DNAJC4: variants seen among roughly 807,000 people sequenced by gnomAD.
DNAJC4 encodes the protein DnaJ heat shock protein family (Hsp40) member C4, also known as dnaJ homolog subfamily C member 4.
In DNAJC4, 26 loss-of-function variants were observed where a neutral mutation model predicts 26.8. The ratio of observed to expected loss-of-function variants is 0.97; its 90% CI spans 0.71 to 1.34. DNAJC4 has a LOEUF of 1.34. Among genes scored for constraint, DNAJC4 ranks in the 40% most tolerant of loss-of-function variants. The pLI is 0.00. For missense variants in DNAJC4, 342 were observed against 321.1 expected (o/e 1.07, Z -0.50); for synonymous variants, 134 against 127.8 (o/e 1.05, Z -0.33).
intron 4 of DNAJC4, chr11:64,233,549 G>A (rs1947205238): frequency 7.2e-6 from 2 of 277,566 alleles, no homozygotes; most frequent in Non-Finnish European, 1.4e-5. Context: ...CCACAAAGCC[G>A]ATTTTCTATA....
chr11:64,232,885 G>C lies in DNAJC4; in HGVS notation c.527+20G>C, dbSNP rs755742207. On this transcript the variant is annotated intron_variant, in intron 4 of 5. Coordinates refer to ENST00000628077, the MANE Select transcript of DNAJC4 (RefSeq NM_005528.4). Reference sequence around the variant, plus strand: ...CTTCAGGTGATGCCTGTTCTCCCCGGGGTGATGGGCAGAGGGCAGGAGGGT... The same window carrying C: ...CTTCAGGTGATGCCTGTTCTCCCCGCGGTGATGGGCAGAGGGCAGGAGGGT... 108 of 1,554,112 alleles carry C rather than the reference G, an allele frequency of 6.9e-5. No homozygotes were observed. The highest frequency in any genetic ancestry group is 9.0e-5 in the Non-Finnish European group (103 of 1,145,198).
At position 64,234,175 on chromosome 11, in the gene DNAJC4, C is replaced by A; in HGVS notation, c.717C>A (p.Ala239=). ...TQGPEIVPRG[A]GP ...GCCCCGAGATCGTGCCCCGGGGCGC[C>A]GGCCCCTGAGGGGCTCACCTGGATG... is the stretch of plus-strand genomic sequence containing the variant. Residue 239 remains alanine, a synonymous_variant, in exon 6 of 6, where the codon GCC becomes GCA. Coordinates refer to ENST00000628077, the MANE Select transcript of DNAJC4 (RefSeq NM_005528.4). This position sits in a 1 kb window ranked among gnomAD's most constrained non-coding sequence, Gnocchi z 5.3. 6.4e-7 allele frequency: 1 copy of A among 1,564,318 alleles called. No individual in the cohort carries two copies. Among genetic ancestry groups the A allele is most frequent in the Non-Finnish European group, 8.6e-7 (1 of 1,158,128 alleles).
Position 64,234,126 on chromosome 11 carries a change from C to T in DNAJC4, c.668C>T (p.Pro223Leu), listed in dbSNP as rs749623123. Reference protein sequence around the residue: ...QERQRLGQRQPPPSEPTQGPE... With the variant: ...QERQRLGQRQLPPSEPTQGPE... Reference sequence around the variant, plus strand: ...CGACAACGGCTAGGGCAGCGGCAGCCGCCACCATCCGAGCCAACCCAAGGC... The same window carrying T: ...CGACAACGGCTAGGGCAGCGGCAGCTGCCACCATCCGAGCCAACCCAAGGC... The change falls in exon 6 of 6, where the codon CCG becomes CTG. Residue 223 changes from proline (P) to leucine (L), a missense_variant. By Grantham distance (98) the Pro-to-Leu change is moderately conservative (BLOSUM62 -3). Coordinates refer to ENST00000628077, the MANE Select transcript of DNAJC4 (RefSeq NM_005528.4). The surrounding 1 kb of genome is among the most constrained non-coding windows in gnomAD (Gnocchi z 5.3). 2 of 1,598,554 alleles carry T rather than the reference C, an allele frequency of 1.3e-6. No homozygotes were observed. Among genetic ancestry groups the T allele is most frequent in the Non-Finnish European group, 8.5e-7 (1 of 1,174,814 alleles).
chr11:64,233,996 ATT>A lies in DNAJC4; in HGVS notation c.614+17_614+18del, dbSNP rs1947212153. On this transcript the variant is annotated intron_variant, in intron 5 of 5. Coordinates refer to ENST00000628077, the MANE Select transcript of DNAJC4 (RefSeq NM_005528.4). ...CACGGGCCAGGTCTGTCCCTGCTCT[ATT>A]CTGCTCCCTGCTCCCTGTCCAGGAA... 1.9e-6 allele frequency: 3 copies of A among 1,613,868 alleles called. No individual in the cohort carries two copies. Among genetic ancestry groups the A allele is most frequent in the Non-Finnish European group, 2.5e-6 (3 of 1,180,012 alleles).
In DNAJC4 at chr11:64,230,891, T is replaced by C; in HGVS notation, c.37T>C (p.Trp13Arg). The change falls in exon 1 of 6, where the codon TGG becomes CGG. Residue 13 changes from tryptophan (W) to arginine (R), a missense_variant. Physicochemically the swap from Trp to Arg is moderately radical, Grantham distance 101 (BLOSUM62 -3). Coordinates refer to ENST00000628077, the MANE Select transcript of DNAJC4 (RefSeq NM_005528.4). The stretch of plus-strand genomic sequence containing the variant: ...ACTGCCCCTGCGCCTGTGCCGGCTG[T>C]GGCCCCGCAACCCTCCCTCCCGGCT... ...PLLPLRLCRL[W>R]PRNPPSRLLG... The C allele has an allele frequency of 6.3e-7, 1 of 1,594,802 alleles. No individual in the cohort carries two copies. The highest frequency in any genetic ancestry group is 8.5e-7 in the Non-Finnish European group (1 of 1,174,004).
chr11:64,233,187 T>G (rs896347428), intron 4 of DNAJC4: 15 of 270,658 alleles, frequency 5.5e-5, no homozygotes, highest in Non-Finnish European at 8.3e-5. Flanking sequence ...GGCATCTCCC[T>G]GCCACTCTCA....
intron 1 of DNAJC4, chr11:64,231,245 C>A: frequency 2.1e-6 from 1 of 467,878 alleles, no homozygotes; most frequent in Non-Finnish European, 4.0e-6. Context: ...GGGGAGGTGT[C>A]GGGTACAAAA....
Position 64,234,257 on chromosome 11 carries a change from C to G in DNAJC4, c.*73C>G, listed in dbSNP as rs1351616112. 1 of 1,496,294 alleles carries G rather than the reference C, an allele frequency of 6.7e-7. No individual in the cohort carries two copies. The highest frequency in any genetic ancestry group is 2.5e-5 in the East Asian group (1 of 40,632). 92.7% of individuals were successfully genotyped at this position (1,496,294 alleles called of 1,614,324 possible). ...TCCCTGGACGGCCCGCTCCCCGAAA[C>G]GCGCGCAATAAAGTGATTCGCAGAG... On this transcript the variant is annotated 3_prime_UTR_variant, in exon 6 of 6. Coordinates refer to ENST00000628077, the MANE Select transcript of DNAJC4 (RefSeq NM_005528.4). This position sits in a 1 kb window ranked among gnomAD's most constrained non-coding sequence, Gnocchi z 5.3.
Position 64,234,101 on chromosome 11 carries a change from C to G in DNAJC4, c.643C>G (p.Arg215Gly), listed in dbSNP as rs764374639. The change falls in exon 6 of 6, where the codon CGA becomes GGA. Residue 215 changes from arginine (R) to glycine (G), a missense_variant. Arg to Gly is a moderately radical substitution (Grantham distance 125, BLOSUM62 -2). Coordinates refer to ENST00000628077, the MANE Select transcript of DNAJC4 (RefSeq NM_005528.4). This position sits in a 1 kb window ranked among gnomAD's most constrained non-coding sequence, Gnocchi z 5.3. ...CAACAGAGGCATCCTTCAGCAGGAG[C>G]GACAACGGCTAGGGCAGCGGCAGCC... ...RANRGILQQE[R>G]QRLGQRQPPP... is the part of the protein sequence containing the mutation. The G allele has an allele frequency of 9.3e-6, 15 of 1,609,912 alleles. No individual in the cohort carries two copies. The Admixed American group carries it at 1.0e-4, about 11-fold the overall frequency.
chr11:64,233,079 C>A, intron 4 of DNAJC4: 1 of 468,644 alleles, frequency 2.1e-6, no homozygotes, highest in Non-Finnish European at 3.5e-6. Context: ...TTTCATATTT[C>A]GAATGTAAAT....
intron 2 of DNAJC4, 184 bp from the exon 3 acceptor site, chr11:64,232,246 G>GT (rs1947185693): frequency 4.2e-5 from 34 of 817,424 alleles, no homozygotes; most frequent in Non-Finnish European, 6.4e-5. Flanking sequence ...GGGAGGGCTT[G>GT]AACACAGGAG....
chr11:64,230,985 T>C, intron 1 of DNAJC4, 45 bp downstream of exon 1: 1 of 1,534,968 alleles, frequency 6.5e-7, no homozygotes, highest in Non-Finnish European at 8.7e-7. Flanking sequence ...AATGGGTTTC[T>C]GTTTGCCCTA....
Position 64,234,241 on chromosome 11 carries a change from G to T in DNAJC4, c.*57G>T, listed in dbSNP as rs957462676. 5 of 1,515,460 alleles carry T rather than the reference G, an allele frequency of 3.3e-6. No individual in the cohort carries two copies. Among genetic ancestry groups the T allele is most frequent in the Admixed American group, 2.0e-5 (1 of 48,820 alleles). The allele number at this position is 1,515,460 out of a possible 1,614,324, so 93.9% of individuals were successfully genotyped here. ...TCCCGCTTTGCTTCCTTCCCTGGAC[G>T]GCCCGCTCCCCGAAACGCGCGCAAT... On this transcript the variant is annotated 3_prime_UTR_variant, in exon 6 of 6. Coordinates refer to ENST00000628077, the MANE Select transcript of DNAJC4 (RefSeq NM_005528.4). This position sits in a 1 kb window ranked among gnomAD's most constrained non-coding sequence, Gnocchi z 5.3.
intron 4 of DNAJC4, chr11:64,233,102 C>T (rs1947198576): frequency 2.4e-6 from 1 of 424,970 alleles, no homozygotes; most frequent in Non-Finnish European, 4.0e-6. Flanking sequence ...TTCATGCTGG[C>T]TGCCAGGAAG....
chr11:64,233,064 C>T, intron 4 of DNAJC4, 199 bp downstream of exon 4: 2 of 500,222 alleles, frequency 4.0e-6, no homozygotes, highest in Non-Finnish European at 6.4e-6. Context: ...TTGTCATTTA[C>T]AGTTTTTCAT....
rs1045178365 is a variant in DNAJC4 at position 64,233,897 on chromosome 11, G to A, written c.531G>A (p.Lys177=). 6.2e-7 allele frequency: 1 copy of A among 1,613,002 alleles called. No individual in the cohort carries two copies. Among genetic ancestry groups the A allele is most frequent in the East Asian group, 2.2e-5 (1 of 44,856 alleles). Residue 177 remains lysine (K), a synonymous_variant, in exon 5 of 6, where the codon AAG becomes AAA. Coordinates refer to ENST00000628077, the MANE Select transcript of DNAJC4 (RefSeq NM_005528.4). ...GMGLHYIAFR[K]VKQMHLNFMD... is the part of the protein sequence containing the mutation. ...GGTTAATTGTGACCCATTGCAGGAA[G>A]GTGAAGCAGATGCACCTTAACTTCA...
rs914774906 is a variant in DNAJC4 at position 64,230,885 on chromosome 11, C to T, written c.31C>T (p.Arg11Trp). The T allele has an allele frequency of 1.3e-6, 2 of 1,596,166 alleles. No homozygotes were observed. The highest frequency in any genetic ancestry group is 8.5e-7 in the Non-Finnish European group (1 of 1,174,374). ...GCCCTTACTGCCCCTGCGCCTGTGCCGGCTGTGGCCCCGCAACCCTCCCTC... is the reference window on the plus strand; with the variant it reads ...GCCCTTACTGCCCCTGCGCCTGTGCTGGCTGTGGCCCCGCAACCCTCCCTC... MPPLLPLRLC[R>W]LWPRNPPSRL... The change falls in exon 1 of 6, where the codon CGG (arginine) becomes TGG (tryptophan). Residue 11 changes from arginine (R) to tryptophan (W), a missense_variant. Physicochemically the swap from Arg to Trp is moderately radical, Grantham distance 101 (BLOSUM62 -3). Coordinates refer to ENST00000628077, the MANE Select transcript of DNAJC4 (RefSeq NM_005528.4).
chr11:64,232,092 G>T, intron 2 of DNAJC4, 128 bp downstream of exon 2: 1 of 943,996 alleles, frequency 1.1e-6, no homozygotes. Flanking sequence ...ATAGGGAGTG[G>T]CAGGTGCTCA....
intron 1 of DNAJC4, 92 bp downstream of exon 1, chr11:64,231,032 G>T (rs1565313885): frequency 1.4e-6 from 2 of 1,480,534 alleles, no homozygotes; most frequent in Non-Finnish European, 1.8e-6. Context: ...TCCGTGTCAG[G>T]AGGCTCCCAG....
Sources: allele counts gnomAD v4.1 joint callset, GRCh38; gene constraint gnomAD v4.1.1; non-coding constraint Gnocchi (gnomAD v3.1); transcripts MANE v1.5; gene names NCBI Gene and HGNC (gene_info 2026-07-23, HGNC 2026-07-21).